TRIM69: variants seen among roughly 807,000 people sequenced by gnomAD.
TRIM69 encodes E3 ubiquitin-protein ligase TRIM69.
TRIM69 carries 29 observed loss-of-function variants against 37.7 expected under a neutral mutation model. The ratio of observed to expected loss-of-function variants is 0.77; its 90% CI spans 0.57 to 1.05. The LOEUF (loss-of-function observed/expected upper bound fraction) is 1.05. Ranked by LOEUF, TRIM69 falls within the 50% of genes least tolerant of loss-of-function variation. TRIM69 has a pLI of 0.00. For missense variants in TRIM69, 596 were observed against 579.9 expected, an observed-to-expected ratio of 1.03 and a Z score of -0.28; for synonymous variants, 209 against 212.4, an observed-to-expected ratio of 0.98 and a Z score of 0.14.
chr15:44,759,620 C>G lies in TRIM69; in HGVS notation c.814-20C>G. On this transcript the variant is annotated intron_variant, in intron 4 of 6. Coordinates refer to ENST00000329464, the MANE Select transcript of TRIM69 (RefSeq NM_182985.5). ...GTTGATGAACGGGCATCTGATGTCT[C>G]TCTTTCTCCTTTCTTCTAGGACATC... The G allele has an allele frequency of 6.2e-7, 1 of 1,612,984 alleles. No individual in the cohort carries two copies. Among genetic ancestry groups the G allele is most frequent in the Non-Finnish European group, 8.5e-7 (1 of 1,179,632 alleles).
At chr15:44,765,454 CTTAA>C (rs2087864907) in intron 6 of TRIM69, among the ~76,000 whole-genome samples, 4 of 152,116 alleles carry the variant, frequency 2.6e-5, no homozygotes, top group Non-Finnish European at 5.9e-5. Context: ...ATTCAAGATT[CTTAA>C]TTCTTCAAAG....
intron 2 of TRIM69, among the ~76,000 whole-genome samples, chr15:44,756,043 A>G (rs954320681): frequency 2.0e-5 from 3 of 152,130 alleles, no homozygotes; most frequent in Non-Finnish European, 4.4e-5. Context: ...TTAAGCTGTA[A>G]TTTACTCCAT....
At chr15:44,759,069 T>C (rs1014791426) in intron 4 of TRIM69, among the ~76,000 whole-genome samples, 1 of 152,236 alleles carries the variant, frequency 6.6e-6, no homozygotes, top group South Asian at 2.1e-4. Flanking sequence ...TCTTAGGAAA[T>C]ACGATTTTTA....
At chr15:44,756,186 C>T (rs2087641674) in intron 2 of TRIM69, among the ~76,000 whole-genome samples, 182 bp from the exon 3 acceptor site, 1 of 152,122 alleles carries the variant, frequency 6.6e-6, no homozygotes, top group Non-Finnish European at 1.5e-5. Context: ...GCTGCCACAC[C>T]CGGCCTTTTC....
In TRIM69 at chr15:44,736,645, C is replaced by T; in HGVS notation, c.-60C>T. 1 of 1,605,072 alleles carries T rather than the reference C, an allele frequency of 6.2e-7. No individual in the cohort carries two copies. The highest frequency in any genetic ancestry group is 8.5e-7 in the Non-Finnish European group (1 of 1,176,180). On this transcript the variant is annotated 5_prime_UTR_variant, in exon 1 of 7. Coordinates refer to ENST00000329464, the MANE Select transcript of TRIM69 (RefSeq NM_182985.5). The stretch of plus-strand genomic sequence containing the variant: ...CCCTGACTCCCAGTCTGCAGCCATC[C>T]TGGGCCTGCTGAGCTCTGATTCAAG...
chr15:44,767,410 G>A lies in TRIM69; in HGVS notation c.1141G>A (p.Glu381Lys). The change falls in exon 7 of 7, where the codon GAA (glutamate) becomes AAA (lysine). Residue 381 changes from glutamate (E) to lysine (K), a missense_variant. Coordinates refer to ENST00000329464, the MANE Select transcript of TRIM69 (RefSeq NM_182985.5). ...CTTCACCTCTGGAAAGTGGTACTGG[G>A]AAGTAGAAGTAGCAAAGAAGACAAA... Reference protein sequence around the residue: ...RGFTSGKWYWEVEVAKKTKWT... With the variant: ...RGFTSGKWYWKVEVAKKTKWT... 6.2e-7 allele frequency: 1 copy of A among 1,614,180 alleles called. No homozygotes were observed. Among genetic ancestry groups the A allele is most frequent in the South Asian group, 1.1e-5 (1 of 91,082 alleles).
chr15:44,745,838 T>C (rs1482202397), intron 1 of TRIM69, among the ~76,000 whole-genome samples: 2 of 151,892 alleles, frequency 1.3e-5, no homozygotes, highest in Non-Finnish European at 2.9e-5. Flanking sequence ...AATAGGTCAA[T>C]TGAGATTATG....
intron 4 of TRIM69, 78 bp from the exon 5 acceptor site, chr15:44,759,562 G>A (rs1399285165): frequency 9.5e-6 from 14 of 1,474,616 alleles, no homozygotes; most frequent in Middle Eastern, 2.3e-4. Flanking sequence ...ACAAATTCTG[G>A]TGGTGGCTGG....
intron 6 of TRIM69, among the ~76,000 whole-genome samples, chr15:44,760,751 A>G (rs1277960678): frequency 6.6e-6 from 1 of 152,116 alleles, no homozygotes; most frequent in Non-Finnish European, 1.5e-5. Flanking sequence ...TATCACTCCA[A>G]AAAGTTCCTA....
At chr15:44,766,085 C>CA (rs2087882372) in intron 6 of TRIM69, among the ~76,000 whole-genome samples, 1 of 151,830 alleles carries the variant, frequency 6.6e-6, no homozygotes, top group East Asian at 1.9e-4. Context: ...AAGGGCCAAT[C>CA]AAAAAAATCT....
chr15:44,746,304 C>A (rs954773319), intron 1 of TRIM69, among the ~76,000 whole-genome samples: 1 of 152,078 alleles, frequency 6.6e-6, no homozygotes, highest in Non-Finnish European at 1.5e-5. Flanking sequence ...CTCAGACAGA[C>A]AAAAACTGAG....
At chr15:44,756,529 T>C (rs2087652552) in intron 3 of TRIM69, 66 bp downstream of exon 3, 1 of 1,134,918 alleles carries the variant, frequency 8.8e-7, no homozygotes, top group African/African-American at 1.5e-5. Context: ...ACTTCAGCTA[T>C]GGGTACAAAG....
intron 1 of TRIM69, among the ~76,000 whole-genome samples, chr15:44,749,171 C>T (rs1443972560): frequency 1.3e-5 from 2 of 152,116 alleles, no homozygotes; most frequent in African/African-American, 2.4e-5. Flanking sequence ...GGATTACAGG[C>T]GTGAGCCATC....
intron 6 of TRIM69, among the ~76,000 whole-genome samples, chr15:44,766,108 G>A (rs2087882870): frequency 6.6e-6 from 1 of 151,978 alleles, no homozygotes; most frequent in South Asian, 2.1e-4. Flanking sequence ...ATCTGTCATG[G>A]ACTGATACTT....
intron 3 of TRIM69, 170 bp downstream of exon 3, chr15:44,756,633 G>C: frequency 1.9e-6 from 1 of 533,762 alleles, no homozygotes; most frequent in South Asian, 2.9e-5. Context: ...TGGTGGTGGA[G>C]TAGGTTCCTA....
chr15:44,764,081 T>G (rs751199793), intron 6 of TRIM69, among the ~76,000 whole-genome samples: 1 of 152,170 alleles, frequency 6.6e-6, no homozygotes, highest in Non-Finnish European at 1.5e-5. Flanking sequence ...AGAGAATCCC[T>G]TTGTAGATGT....
intron 4 of TRIM69, among the ~76,000 whole-genome samples, chr15:44,759,201 A>T (rs932733273): frequency 1.3e-5 from 2 of 152,252 alleles, no homozygotes; most frequent in African/African-American, 4.8e-5. Context: ...CAGCAATCAT[A>T]AGCTGACCTG....
At chr15:44,738,334 G>C (rs547528778) in intron 1 of TRIM69, among the ~76,000 whole-genome samples, 146 of 151,588 alleles carry the variant, frequency 9.6e-4, no homozygotes, top group African/African-American at 3.2e-3. Flanking sequence ...GCCTCCCAAA[G>C]TGAGGCTAAG....
intron 2 of TRIM69, 67 bp from the exon 3 acceptor site, chr15:44,756,301 G>T (rs2087644598): frequency 8.8e-7 from 1 of 1,141,674 alleles, no homozygotes; most frequent in Admixed American, 2.1e-5. Flanking sequence ...GGGGCCTTGG[G>T]GAAGATGTCC....
Sources: gnomAD v4.1 joint callset for allele counts (sites outside exome capture counted in the v4.1 genomes callset) on GRCh38, gnomAD v4.1.1 for gene constraint, MANE v1.5 for transcripts, NCBI Gene and HGNC (gene_info 2026-07-23, HGNC 2026-07-21) for gene names.